PCDHGA12: variants seen among roughly 807,000 people sequenced by gnomAD.
The protein encoded by PCDHGA12 is protocadherin gamma-A12.
Under a neutral mutation model 61.1 loss-of-function variants are expected in PCDHGA12, and 43 were observed. The ratio of observed to expected loss-of-function variants is 0.70; its 90% confidence interval spans 0.55 to 0.91. PCDHGA12 has a LOEUF of 0.91. Among genes scored for constraint, PCDHGA12 ranks in the 40% least tolerant of loss-of-function variants. The pLI is 0.00. For synonymous variants in PCDHGA12, 520 were observed against 542.9 expected, an observed-to-expected ratio of 0.96 and a Z score of 0.59; for missense variants, 1,236 against 1,227.7, an observed-to-expected ratio of 1.01 and a Z score of -0.10.
rs747283905 is a variant in PCDHGA12, at chr5:141,491,693, G to A, written c.2425-3114G>A. On this transcript the variant is annotated intron_variant, in intron 1 of 3. Transcript: ENST00000252085. The surrounding 1 kb of genome is among the most constrained non-coding windows in gnomAD (Gnocchi z 6.9). ...TCCCGCTCTAATACGCTGCGGGAGC[G>A]GAGCCAGGTGAGGGGCTCGGCGCCG... 3.7e-5 allele frequency: 59 copies of A among 1,612,434 alleles called. No homozygotes were observed. Among genetic ancestry groups the A allele is most frequent in the Non-Finnish European group, 4.7e-5 (55 of 1,179,352 alleles).
chr5:141,487,348 C>T lies in PCDHGA12; in HGVS notation c.2425-7459C>T, dbSNP rs929693998. ...GTGGGGCAGCCTGTGGAGTCACATG[C>T]TTTCCTGCTGGCACCTGTGCCTGTC... On this transcript the variant is annotated intron_variant, in intron 1 of 3. Coordinates refer to ENST00000252085, the MANE Select transcript of PCDHGA12 (RefSeq NM_003735.3). The surrounding 1 kb of genome is among the most constrained non-coding windows in gnomAD (Gnocchi z 5.0). The T allele has an allele frequency of 2.5e-6, 4 of 1,614,080 alleles. No homozygotes were observed. The highest frequency in any genetic ancestry group is 2.2e-5 in the East Asian group (1 of 44,882).
intron 2 of PCDHGA12, among the ~76,000 whole-genome samples, chr5:141,497,984 C>G (rs2099780951): frequency 6.6e-6 from 1 of 152,194 alleles, no homozygotes; most frequent in South Asian, 2.1e-4. Flanking sequence ...TGGGAGGCCC[C>G]TGCCCTCAAG....
chr5:141,503,825 CA>C (rs2154593417), intron 2 of PCDHGA12, among the ~76,000 whole-genome samples: 1 of 152,186 alleles, frequency 6.6e-6, no homozygotes, highest in Non-Finnish European at 1.5e-5. Flanking sequence ...TGGGCAAAAC[CA>C]AAAGCAGGGA....
chr5:141,507,075 C>T (rs1006779614), intron 3 of PCDHGA12: 25 of 152,176 alleles, frequency 1.6e-4, no homozygotes, highest in Admixed American at 1.1e-3. Context: ...CCTGGCTCAA[C>T]TCCTAAGTTT....
intron 2 of PCDHGA12, among the ~76,000 whole-genome samples, chr5:141,496,753 A>G (rs2099771084): frequency 6.6e-6 from 1 of 152,166 alleles, no homozygotes; most frequent in Admixed American, 6.5e-5. Flanking sequence ...TTCAACAAAT[A>G]TTTATCGAGC....
intron 1 of PCDHGA12, chr5:141,442,367 T>C (rs1304138950): frequency 6.6e-6 from 1 of 152,282 alleles, no homozygotes; most frequent in Non-Finnish European, 1.5e-5. Flanking sequence ...TATGATGCCA[T>C]ATTCCTACCA....
chr5:141,491,685 G>A lies in PCDHGA12; in HGVS notation c.2425-3122G>A. 1 of 1,613,164 alleles carries A rather than the reference G, an allele frequency of 6.2e-7. No individual in the cohort carries two copies. The highest frequency in any genetic ancestry group is 8.5e-7 in the Non-Finnish European group (1 of 1,179,646). On this transcript the variant is annotated intron_variant, in intron 1 of 3. Transcript: ENST00000252085. The surrounding 1 kb of genome is among the most constrained non-coding windows in gnomAD (Gnocchi z 6.9). ...CCATCCGGTCCCGCTCTAATACGCTGCGGGAGCGGAGCCAGGTGAGGGGCT... is the reference window on the plus strand; with the variant it reads ...CCATCCGGTCCCGCTCTAATACGCTACGGGAGCGGAGCCAGGTGAGGGGCT...
intron 1 of PCDHGA12, among the ~76,000 whole-genome samples, chr5:141,480,949 G>A (rs949853273): frequency 2.0e-4 from 30 of 152,136 alleles, no homozygotes; most frequent in African/African-American, 4.6e-4. Flanking sequence ...AGAGGCTGAG[G>A]CGGAAGCATC....
At chr5:141,467,514 T>C (rs2154569535) in intron 1 of PCDHGA12, among the ~76,000 whole-genome samples, 1 of 152,362 alleles carries the variant, frequency 6.6e-6, no homozygotes, top group South Asian at 2.1e-4. Flanking sequence ...TTGGAGTTTA[T>C]TCTTTTGTGT....
At chr5:141,466,275 A>G (rs1163982252) in intron 1 of PCDHGA12, among the ~76,000 whole-genome samples, 1 of 152,112 alleles carries the variant, frequency 6.6e-6, no homozygotes. Context: ...AGCTCAAGCA[A>G]TCTTCCCACC....
At chr5:141,502,363 T>C (rs1216939790) in intron 2 of PCDHGA12, among the ~76,000 whole-genome samples, 2 of 152,100 alleles carry the variant, frequency 1.3e-5, no homozygotes, top group African/African-American at 4.8e-5. Context: ...ATGGATATTT[T>C]TAAAGAGTCC....
chr5:141,431,748 G>T lies in PCDHGA12; in HGVS notation c.989G>T (p.Arg330Leu). 1 of 1,614,196 alleles carries T rather than the reference G, an allele frequency of 6.2e-7. No homozygotes were observed. Among genetic ancestry groups the T allele is most frequent in the Non-Finnish European group, 8.5e-7 (1 of 1,180,042 alleles). ...QAMDNAGYSA[R>L]AKVLITVLDV... is the part of the protein sequence containing the mutation. Reference sequence around the variant, plus strand: ...ATGGATAATGCAGGATATTCTGCGCGAGCCAAAGTCCTGATCACTGTTCTG... The same window carrying T: ...ATGGATAATGCAGGATATTCTGCGCTAGCCAAAGTCCTGATCACTGTTCTG... The change falls in exon 1 of 4, where the codon CGA (arginine) becomes CTA (leucine). Residue 330 changes from arginine (R) to leucine (L), a missense_variant. Physicochemically the swap from Arg to Leu is moderately radical, Grantham distance 102. Transcript: ENST00000252085. This position sits in a 1 kb window ranked among gnomAD's most constrained non-coding sequence, Gnocchi z 4.8.
At chr5:141,446,822 A>G (rs976227044) in intron 1 of PCDHGA12, among the ~76,000 whole-genome samples, 1 of 152,206 alleles carries the variant, frequency 6.6e-6, no homozygotes, top group African/African-American at 2.4e-5. Flanking sequence ...TCAGATGGGT[A>G]GATCCTTATA....
rs753202774 is a variant in PCDHGA12, at chr5:141,487,875, C to A, written c.2425-6932C>A. 33 of 828,628 alleles carry A rather than the reference C, an allele frequency of 4.0e-5. No individual in the cohort carries two copies. Among genetic ancestry groups the A allele is most frequent in the Non-Finnish European group, 5.8e-5 (31 of 536,030 alleles). The allele number at this position is 828,628 out of a possible 1,614,324, so 51.3% of individuals were successfully genotyped here. A position where few individuals can be genotyped will look rare whatever the true frequency, so the allele number is the denominator to read the frequency against. The stretch of plus-strand genomic sequence containing the variant: ...AAGTAATTGGTGATCAAGAGCCAGG[C>A]TGTTGTGGAAGCATGATGATGGAAT... On this transcript the variant is annotated intron_variant, in intron 1 of 3. Coordinates refer to ENST00000252085, the MANE Select transcript of PCDHGA12 (RefSeq NM_003735.3). The surrounding 1 kb of genome is among the most constrained non-coding windows in gnomAD (Gnocchi z 5.0).
chr5:141,466,486 T>C (rs1005010773), intron 1 of PCDHGA12, among the ~76,000 whole-genome samples: 1 of 152,240 alleles, frequency 6.6e-6, no homozygotes, highest in Non-Finnish European at 1.5e-5. Flanking sequence ...GTAGGTCTTC[T>C]TTAATTAGAG....
intron 1 of PCDHGA12, among the ~76,000 whole-genome samples, chr5:141,472,192 C>A (rs2099274015): frequency 1.3e-5 from 2 of 152,134 alleles, no homozygotes; most frequent in South Asian, 2.1e-4. Context: ...GAATTTGAAT[C>A]TTTTTGACAC....
At chr5:141,502,234 C>T (rs1482411915) in intron 2 of PCDHGA12, among the ~76,000 whole-genome samples, 1 of 152,108 alleles carries the variant, frequency 6.6e-6, no homozygotes, top group Non-Finnish European at 1.5e-5. Flanking sequence ...TCTGTGTGTT[C>T]TTTTATCCTT....
At chr5:141,450,516 C>T (rs150995579) in intron 1 of PCDHGA12, among the ~76,000 whole-genome samples, 2,020 of 152,024 alleles carry the variant, frequency 0.013, 56 homozygotes, top group African/African-American at 0.046. Context: ...GATGGAGTCT[C>T]ATTCTTGTCA....
At chr5:141,435,593 G>A (rs183768133) in intron 1 of PCDHGA12, among the ~76,000 whole-genome samples, 9 of 152,112 alleles carry the variant, frequency 5.9e-5, no homozygotes, top group Admixed American at 2.6e-4. Flanking sequence ...CAGTAATATC[G>A]CCTGCTTTTT....
Sources: allele counts gnomAD v4.1 joint callset (sites outside exome capture counted in the v4.1 genomes callset), GRCh38; gene constraint gnomAD v4.1.1; non-coding constraint Gnocchi (gnomAD v3.1); transcripts MANE v1.5; gene names NCBI Gene and HGNC (gene_info 2026-07-23, HGNC 2026-07-21).